Variants in XYLT1 observed in about 807,000 individuals in gnomAD.
The protein encoded by XYLT1 is xylosyltransferase 1, also known as beta-D-xylosyltransferase 1.
A neutral mutation model predicts 91.3 loss-of-function variants in XYLT1; 36 were observed. That is an observed-to-expected ratio of 0.39 (90% CI 0.30 to 0.52). The LOEUF is 0.52. XYLT1 is among the 20% of genes least tolerant of loss of function. XYLT1 has a pLI of 0.68. For synonymous variants in XYLT1, 588 were observed against 532.0 expected (o/e 1.11, Z -1.45); for missense variants, 1,242 against 1,284.5 (o/e 0.97, Z 0.51).
intron 1 of XYLT1, among the ~76,000 whole-genome samples, chr16:17,429,961 G>C (rs998000353): frequency 3.6e-5 from 5 of 138,782 alleles, no homozygotes; most frequent in Non-Finnish European, 7.6e-5. Context: ...TTTTGAGACA[G>C]AGTCTTGCTC....
chr16:17,440,221 A>C (rs994594888), intron 1 of XYLT1, among the ~76,000 whole-genome samples: 3 of 152,262 alleles, frequency 2.0e-5, no homozygotes, highest in African/African-American at 4.8e-5. Context: ...TAGAACTTTC[A>C]GATGAGACCA....
At chr16:17,422,596 G>A (rs2036263395) in intron 1 of XYLT1, among the ~76,000 whole-genome samples, 1 of 152,026 alleles carries the variant, frequency 6.6e-6, no homozygotes, top group Non-Finnish European at 1.5e-5. Context: ...TGCAGCCTCC[G>A]CCTCCTGGGT....
At chr16:17,352,958 T>C (rs1295215442) in intron 2 of XYLT1, among the ~76,000 whole-genome samples, 1 of 152,206 alleles carries the variant, frequency 6.6e-6, no homozygotes, top group East Asian at 1.9e-4. Context: ...ATAGATACAA[T>C]TTCTCAAGTA....
chr16:17,161,959 G>A (rs2031565990), intron 5 of XYLT1, among the ~76,000 whole-genome samples: 1 of 152,092 alleles, frequency 6.6e-6, no homozygotes, highest in Non-Finnish European at 1.5e-5. Flanking sequence ...CTTACTGGGA[G>A]CCATATGAGA....
intron 6 of XYLT1, among the ~76,000 whole-genome samples, chr16:17,151,121 G>A (rs1032591966): frequency 1.3e-5 from 2 of 152,166 alleles, no homozygotes; most frequent in South Asian, 4.1e-4. Context: ...AGTGCAGCAT[G>A]GTGGTTAAGC....
chr16:17,134,694 G>T lies in XYLT1; in HGVS notation c.1806C>A (p.Ala602=). The part of the protein sequence containing the change: ...RPTFFARKFE[A]VVNQEIIGQL... ...GCCCAATGATTTCCTGATTCACCAC[G>T]GCTTCAAACTTGCGGGCAAAGAAGG... The change falls in exon 9 of 12, where the codon GCC becomes GCA. Residue 602 remains alanine, a synonymous_variant. Coordinates refer to ENST00000261381, the MANE Select transcript of XYLT1 (RefSeq NM_022166.4). The T allele has an allele frequency of 6.2e-7, 1 of 1,614,146 alleles. No homozygotes were observed. The highest frequency in any genetic ancestry group is 8.5e-7 in the Non-Finnish European group (1 of 1,180,032).
At chr16:17,368,425 C>T (rs1419650310) in intron 1 of XYLT1, among the ~76,000 whole-genome samples, 2 of 152,116 alleles carry the variant, frequency 1.3e-5, no homozygotes, top group Non-Finnish European at 1.5e-5. Flanking sequence ...TTGATGACAG[C>T]GCCCAGTAGA....
chr16:17,195,713 G>C (rs921617472), intron 5 of XYLT1, among the ~76,000 whole-genome samples: 1 of 151,948 alleles, frequency 6.6e-6, no homozygotes, highest in African/African-American at 2.4e-5. Flanking sequence ...CAAAGTGCTG[G>C]GATTACAGGT....
intron 2 of XYLT1, among the ~76,000 whole-genome samples, chr16:17,284,734 A>G (rs1398357519): frequency 6.6e-6 from 1 of 152,034 alleles, no homozygotes; most frequent in East Asian, 1.9e-4. Context: ...GTGAGCTACG[A>G]CTACACCACT....
chr16:17,346,914 A>C (rs1248573243), intron 2 of XYLT1, among the ~76,000 whole-genome samples: 2 of 152,174 alleles, frequency 1.3e-5, no homozygotes, highest in Non-Finnish European at 1.5e-5. Context: ...CAGTGGAAAA[A>C]ATGAGCTACA....
At position 17,328,548 on chromosome 16, in the gene XYLT1, C is replaced by CAA. The variant is rs71373105; in HGVS notation, c.402+29462_402+29463dup. On this transcript the variant is annotated intron_variant, in intron 2 of 11. Transcript: ENST00000261381. ...TGGGTGACTGAGCAAGACTCCTTCT[C>CAA]AAAAAAAAAAAAAAAAAAAAAAAAA... is the stretch of plus-strand genomic sequence containing the variant. 9.4e-3 allele frequency among the ~76,000 whole-genome samples: 483 copies of CAA among 51,118 alleles called. 71 individuals carry two copies. The highest frequency in any genetic ancestry group is 0.02 in the African/African-American group (437 of 22,084). The allele number at this position is 51,118 out of a possible 152,430, so 33.5% of individuals were successfully genotyped here.
chr16:17,230,215 G>A (rs577501263), intron 3 of XYLT1, among the ~76,000 whole-genome samples: 7 of 152,148 alleles, frequency 4.6e-5, no homozygotes, highest in Non-Finnish European at 7.4e-5. Context: ...TATGGTGGCC[G>A]TAGGGAACTA....
At chr16:17,202,351 A>G (rs376025512) in intron 3 of XYLT1, among the ~76,000 whole-genome samples, 1 of 152,210 alleles carries the variant, frequency 6.6e-6, no homozygotes, top group South Asian at 2.1e-4. Context: ...GGCTCTTTCT[A>G]CGTAGTTCCA....
intron 1 of XYLT1, among the ~76,000 whole-genome samples, chr16:17,385,309 C>CAA (rs1373073829): frequency 2.0e-5 from 3 of 149,790 alleles, no homozygotes; most frequent in Admixed American, 6.7e-5. Flanking sequence ...CACACACACA[C>CAA]ACCTATGTAC....
chr16:17,442,377 G>T (rs1008184315), intron 1 of XYLT1, among the ~76,000 whole-genome samples: 1 of 152,132 alleles, frequency 6.6e-6, no homozygotes, highest in African/African-American at 2.4e-5. Flanking sequence ...AAGTGTTAAA[G>T]TGATTTTTGC....
chr16:17,146,907 TTCTC>T (rs1323469069), intron 6 of XYLT1, among the ~76,000 whole-genome samples: 11 of 152,286 alleles, frequency 7.2e-5, no homozygotes, highest in Admixed American at 2.6e-4. Flanking sequence ...GTCTTGCTCT[TTCTC>T]TAACACATCT....
intron 9 of XYLT1, among the ~76,000 whole-genome samples, chr16:17,129,006 C>T (rs1017427990): frequency 6.9e-6 from 1 of 145,364 alleles, no homozygotes; most frequent in Non-Finnish European, 1.5e-5. Flanking sequence ...AGGGAAGCTG[C>T]CTTCCTGTGT....
At chr16:17,396,149 T>G (rs928197800) in intron 1 of XYLT1, among the ~76,000 whole-genome samples, 2 of 151,966 alleles carry the variant, frequency 1.3e-5, no homozygotes, top group Admixed American at 1.3e-4. Context: ...AATGCAACGT[T>G]TGTATCTACA....
At chr16:17,163,401 G>A (rs2031598695) in intron 5 of XYLT1, among the ~76,000 whole-genome samples, 1 of 152,216 alleles carries the variant, frequency 6.6e-6, no homozygotes, top group Non-Finnish European at 1.5e-5. Flanking sequence ...GGCACACAGA[G>A]GCACACAATG....
Sources: gnomAD v4.1 joint callset for allele counts (sites outside exome capture counted in the v4.1 genomes callset) on GRCh38, gnomAD v4.1.1 for gene constraint, MANE v1.5 for transcripts, NCBI Gene and HGNC (gene_info 2026-07-23, HGNC 2026-07-21) for gene names.